PFKFB4: variants seen among roughly 807,000 people sequenced by gnomAD.
PFKFB4 encodes 6-phosphofructo-2-kinase/fructose-2,6-bisphosphatase 4.
Under a neutral mutation model 62.8 loss-of-function variants are expected in PFKFB4, and 42 were observed. That is an observed-to-expected ratio of 0.67 (90% CI 0.52 to 0.86). PFKFB4 has a LOEUF of 0.86. Ranked by LOEUF, PFKFB4 falls within the 40% of genes least tolerant of loss-of-function variation. The pLI is 0.00. For synonymous variants in PFKFB4, 204 were observed against 240.7 expected, an observed-to-expected ratio of 0.85 and a Z score of 1.41; for missense variants, 475 against 627.2, an observed-to-expected ratio of 0.76 and a Z score of 2.59.
rs753266994 is a variant in PFKFB4, at chr3:48,535,677, A to G, written c.841-19T>C. On this transcript the variant is annotated intron_variant, in intron 8 of 13. Transcript: ENST00000232375. The stretch of plus-strand genomic sequence containing the variant: ...TGGCAAACTGAAATACATCATAAGC[A>G]AACTCAGACCCACAGGTCTTGGGCT... 3 of 1,613,970 alleles carry G rather than the reference A, an allele frequency of 1.9e-6. No homozygotes were observed. Among genetic ancestry groups the G allele is most frequent in the Non-Finnish European group, 1.7e-6 (2 of 1,179,862 alleles).
chr3:48,554,072 G>A (rs2043239436), intron 1 of PFKFB4, among the ~76,000 whole-genome samples: 1 of 152,126 alleles, frequency 6.6e-6, no homozygotes, highest in South Asian at 2.1e-4. Flanking sequence ...TGGGAGTGGA[G>A]GAGGTGCAGT....
intron 1 of PFKFB4, among the ~76,000 whole-genome samples, chr3:48,555,004 A>G (rs1346234502): frequency 6.8e-6 from 1 of 147,174 alleles, no homozygotes; most frequent in Non-Finnish European, 1.5e-5. Context: ...GAGCTGAGAT[A>G]GGACCACTGC....
Position 48,549,976 on chromosome 3 carries a change from G to A in PFKFB4, c.215-16C>T, listed in dbSNP as rs1187677414. 1.1e-5 allele frequency: 18 copies of A among 1,588,024 alleles called. No individual in the cohort carries two copies. In the Admixed American group the frequency reaches 3.0e-4, roughly 26 times the overall value. On this transcript the variant is annotated splice_polypyrimidine_tract_variant and intron_variant, in intron 2 of 13. Coordinates refer to ENST00000232375, the MANE Select transcript of PFKFB4 (RefSeq NM_004567.4). ...ACATTGAACTCTGGAGGGAAGGAGA[G>A]GCTCAGCTTTCACAGCAACAGCAAC...
intron 3 of PFKFB4, among the ~76,000 whole-genome samples, chr3:48,547,692 T>C (rs544241312): frequency 4.6e-5 from 7 of 152,316 alleles, no homozygotes; most frequent in Admixed American, 6.5e-5. Flanking sequence ...CAGGCTGGTC[T>C]CAAACTCCTG....
At chr3:48,562,842 C>T (rs1330658109), upstream of PFKFB4, 8 of 1,583,750 alleles carry the variant, frequency 5.1e-6, no homozygotes, top group Non-Finnish European at 6.9e-6. This position sits in a 1 kb window ranked among gnomAD's most constrained non-coding sequence, Gnocchi z 4.3. Context: ...TGCTCCCTGG[C>T]AGCCCTGGCC....
upstream of PFKFB4, chr3:48,559,898 C>CCACACACACACACACA (rs34826551): frequency 3.7e-4 from 71 of 191,744 alleles, 1 homozygote; most frequent in Non-Finnish European, 5.2e-4. Context: ...AACCATCCCA[C>CCACACACACACACACA]CACACACACA....
At chr3:48,543,118 C>T (rs934366163) in intron 4 of PFKFB4, among the ~76,000 whole-genome samples, 12 of 152,114 alleles carry the variant, frequency 7.9e-5, no homozygotes, top group Non-Finnish European at 1.8e-4. Context: ...GGGGTAGAGC[C>T]GTTTCCCACA....
At chr3:48,540,997 G>C (rs138377273) in intron 4 of PFKFB4, among the ~76,000 whole-genome samples, 2,583 of 151,652 alleles carry the variant, frequency 0.017, 66 homozygotes, top group African/African-American at 0.059. Context: ...GGCTGGTCTC[G>C]AACTCCTGAC....
At chr3:48,539,355 C>T (rs771692557) in intron 5 of PFKFB4, 45 bp from the exon 6 acceptor site, 95 of 1,550,994 alleles carry the variant, frequency 6.1e-5, no homozygotes, top group Middle Eastern at 3.5e-4. Context: ...GGGAGGAACA[C>T]GGACATGTTC....
intron 7 of PFKFB4, chr3:48,536,859 T>A (rs539896861): frequency 6.5e-4 from 120 of 184,402 alleles, no homozygotes; most frequent in African/African-American, 2.3e-3. Context: ...CCGAGGGTTG[T>A]TGACTTGGGA....
chr3:48,542,773 AGGG>A (rs1486954436), intron 4 of PFKFB4, among the ~76,000 whole-genome samples: 3 of 152,216 alleles, frequency 2.0e-5, no homozygotes, highest in Non-Finnish European at 4.4e-5. Flanking sequence ...AGAAGTTCTA[AGGG>A]AAAAGCACTT....
At chr3:48,541,220 T>A (rs1336098828) in intron 4 of PFKFB4, among the ~76,000 whole-genome samples, 1 of 151,802 alleles carries the variant, frequency 6.6e-6, no homozygotes, top group Non-Finnish European at 1.5e-5. Context: ...ATCTGCCTCC[T>A]GGGTTCAGGC....
rs549437504 is a variant in PFKFB4 at position 48,532,310 on chromosome 3, A to AAAAT, written c.987+3198_987+3201dup. 2.1e-3 allele frequency among the ~76,000 whole-genome samples: 327 copies of AAAAT among 152,246 alleles called. 1 individual carries two copies. Among genetic ancestry groups the AAAAT allele is most frequent in the East Asian group, 3.3e-3 (17 of 5,184 alleles). The stretch of plus-strand genomic sequence containing the variant: ...GGGCGACAGAGCGAGATTCCGTTTC[A>AAAAT]AAATAAATAAATAAATAAATAAATA... On this transcript the variant is annotated intron_variant, in intron 9 of 13. Coordinates refer to ENST00000232375, the MANE Select transcript of PFKFB4 (RefSeq NM_004567.4).
chr3:48,554,882 T>C (rs2043264291), intron 1 of PFKFB4, among the ~76,000 whole-genome samples: 1 of 151,886 alleles, frequency 6.6e-6, no homozygotes, highest in Admixed American at 6.6e-5. Context: ...TGAAACTCCA[T>C]CCTACTAAAA....
At chr3:48,543,759 T>C in intron 3 of PFKFB4, 113 bp from the exon 4 acceptor site, 3 of 767,584 alleles carry the variant, frequency 3.9e-6, no homozygotes, top group Non-Finnish European at 6.9e-6. Flanking sequence ...CCCCGAGGTC[T>C]CTTGCTCTCT....
At chr3:48,520,823 A>G (rs1394708873) in intron 13 of PFKFB4, among the ~76,000 whole-genome samples, 1 of 152,192 alleles carries the variant, frequency 6.6e-6, no homozygotes, top group Non-Finnish European at 1.5e-5. Context: ...GTCAGCTCCC[A>G]AGGGCTGCCA....
rs2041996936 is a variant in PFKFB4, at chr3:48,518,832, G to T, written c.*915C>A. The T allele has an allele frequency of 6.6e-6, 1 of 152,216 alleles. No individual in the cohort carries two copies. Among genetic ancestry groups the T allele is most frequent in the Non-Finnish European group, 1.5e-5 (1 of 68,030 alleles). 9.4% of individuals were successfully genotyped at this position (152,216 alleles called of 1,614,324 possible). A position where few individuals can be genotyped will look rare whatever the true frequency, so the allele number is the denominator to read the frequency against. On this transcript the variant is annotated 3_prime_UTR_variant, in exon 14 of 14. Transcript: ENST00000232375. ...CTGTGTGGACACGGGCAGCAACAGG[G>T]GAGAGGCCGCCTCCCCATTGGCTGC...
At chr3:48,551,920 G>A (rs2043169508) in intron 1 of PFKFB4, among the ~76,000 whole-genome samples, 1 of 152,130 alleles carries the variant, frequency 6.6e-6, no homozygotes. Flanking sequence ...TTAGGACCTG[G>A]GTCAGGTAAA....
upstream of PFKFB4, chr3:48,563,057 G>A: frequency 6.2e-7 from 1 of 1,612,262 alleles, no homozygotes; most frequent in Non-Finnish European, 8.5e-7. This position sits in a 1 kb window ranked among gnomAD's most constrained non-coding sequence, Gnocchi z 4.5. Context: ...TGGGATAGGG[G>A]TCACTGGGAC....
Sources: allele counts gnomAD v4.1 joint callset (sites outside exome capture counted in the v4.1 genomes callset), GRCh38; gene constraint gnomAD v4.1.1; non-coding constraint Gnocchi (gnomAD v3.1); transcripts MANE v1.5; gene names NCBI Gene and HGNC (gene_info 2026-07-23, HGNC 2026-07-21).